The following CABLES2 variants were observed in gnomAD, a reference collection of about 807,000 sequenced individuals.
CABLES2 encodes the protein CDK5 and ABL1 enzyme substrate 2.
In CABLES2, 35 loss-of-function variants were observed where a neutral mutation model predicts 44.8. That is an observed-to-expected ratio of 0.78 (90% CI 0.60 to 1.04). The LOEUF (loss-of-function observed/expected upper bound fraction) is 1.04, where lower values mean the gene tolerates loss of function less well. CABLES2 is among the 50% of genes least tolerant of loss of function. The pLI is 0.00. For missense variants in CABLES2, 566 were observed against 615.7 expected (o/e 0.92, Z 0.85); for synonymous variants, 282 against 281.1 (o/e 1.00, Z -0.03).
rs748637399 is a variant in CABLES2 at position 62,396,319 on chromosome 20, T to A, written c.523A>T (p.Ser175Cys). ...GTTCCCGGCTCCGCTTCATACCTGC[T>A]GTTCCTGGTGTCGTACTGCCTCATG... The part of the protein sequence containing the change: ...KNMRQYDTRN[S>C]RIVLICAKRS... Residue 175 changes from serine (S) to cysteine (C), a missense_variant, in exon 3 of 10, where the codon AGC becomes TGC. Around this residue, in one of 2 missense-constraint regions of CABLES2, gnomAD observed 436 missense variants for 536.3 expected, o/e 0.81. Transcript: ENST00000279101. This position sits in a 1 kb window ranked among gnomAD's most constrained non-coding sequence, Gnocchi z 5.7. The A allele has an allele frequency of 6.2e-7, 1 of 1,613,728 alleles. No homozygotes were observed. Among genetic ancestry groups the A allele is most frequent in the Non-Finnish European group, 8.5e-7 (1 of 1,179,734 alleles).
chr20:62,396,246 G>T lies in CABLES2; in HGVS notation c.527+69C>A. 7.5e-7 allele frequency: 1 copy of T among 1,334,574 alleles called. No individual in the cohort carries two copies. Among genetic ancestry groups the T allele is most frequent in the Non-Finnish European group, 1.1e-6 (1 of 928,348 alleles). 82.7% of individuals were successfully genotyped at this position (1,334,574 alleles called of 1,614,324 possible). A position where few individuals can be genotyped will look rare whatever the true frequency, so the allele number is the denominator to read the frequency against. ...GGAGTGGAGGGAAGATTGCTTGGCT[G>T]ACAGGGGCAGGACCCCGTGGGCTTA... is the stretch of plus-strand genomic sequence containing the variant. On this transcript the variant is annotated intron_variant, in intron 3 of 9. Coordinates refer to ENST00000279101, the MANE Select transcript of CABLES2 (RefSeq NM_031215.3). The surrounding 1 kb of genome is among the most constrained non-coding windows in gnomAD (Gnocchi z 5.7).
In CABLES2 at chr20:62,392,494, G is replaced by T. The variant is rs1490160277; in HGVS notation, c.986C>A (p.Thr329Asn). The change falls in exon 8 of 10, where the codon ACC (threonine) becomes AAC (asparagine). Residue 329 changes from threonine to asparagine, a missense_variant and splice_region_variant. Coordinates refer to ENST00000279101, the MANE Select transcript of CABLES2 (RefSeq NM_031215.3). ...KRVLIFASYM[T>N]TVIEYVKPSD... ...GGGCTTCACGTATTCTATCACTGTG[G>T]TCTGCAACAGAGAGTGGGCAGGGTT... 1 of 1,612,484 alleles carries T rather than the reference G, an allele frequency of 6.2e-7. No individual in the cohort carries two copies. Among genetic ancestry groups the T allele is most frequent in the Admixed American group, 1.7e-5 (1 of 60,016 alleles).
At chr20:62,392,314 A>C (rs911338043) in intron 8 of CABLES2, 75 bp downstream of exon 8, 3 of 1,078,074 alleles carry the variant, frequency 2.8e-6, no homozygotes, top group African/African-American at 1.6e-5. Context: ...GCTGGAGAGA[A>C]TCTACCAGAA....
In CABLES2 at chr20:62,389,880, T is replaced by TG. The variant is rs1339624693; in HGVS notation, c.*1090dup. ...ACCATTTGGGGTCCTTTTAGCATGG[T>TG]GGGCTGCCCTGGCCGAGGTGGCCAA... is the stretch of plus-strand genomic sequence containing the variant. On this transcript the variant is annotated 3_prime_UTR_variant, in exon 10 of 10. Transcript: ENST00000279101. 6 of 152,328 alleles carry TG rather than the reference T, an allele frequency of 3.9e-5. 1 individual carries two copies. Among genetic ancestry groups the TG allele is most frequent in the Middle Eastern group, 3.4e-3 (1 of 294 alleles). 9.4% of individuals were successfully genotyped at this position (152,328 alleles called of 1,614,324 possible).
chr20:62,392,524 C>G, intron 7 of CABLES2, 29 bp from the exon 8 acceptor site: 1 of 1,531,780 alleles, frequency 6.5e-7, no homozygotes, highest in Non-Finnish European at 9.0e-7. Flanking sequence ...AGGGTTGGGC[C>G]GGCCCCTCGC....
rs1381636829 is a variant in CABLES2 at position 62,388,721 on chromosome 20, A to G, written c.*2250T>C. 2 of 554,610 alleles carry G rather than the reference A, an allele frequency of 3.6e-6. No individual in the cohort carries two copies. Among genetic ancestry groups the G allele is most frequent in the Non-Finnish European group, 6.4e-6 (2 of 312,242 alleles). The allele number at this position is 554,610 out of a possible 1,614,324, so 34.4% of individuals were successfully genotyped here. On this transcript the variant is annotated 3_prime_UTR_variant, in exon 10 of 10. Coordinates refer to ENST00000279101, the MANE Select transcript of CABLES2 (RefSeq NM_031215.3). Reference sequence around the variant, plus strand: ...AATAACTCAAACATTCTGAGGTCTGATACTTGCTTATGCACACTGACATCC... The same window carrying G: ...AATAACTCAAACATTCTGAGGTCTGGTACTTGCTTATGCACACTGACATCC...
At position 62,390,719 on chromosome 20, in the gene CABLES2, T is replaced by G; in HGVS notation, c.*252A>C. The G allele has an allele frequency of 2.3e-5, 12 of 515,204 alleles. No homozygotes were observed. The highest frequency in any genetic ancestry group is 3.2e-5 in the East Asian group (1 of 31,184). The allele number at this position is 515,204 out of a possible 1,614,324, so 31.9% of individuals were successfully genotyped here. On this transcript the variant is annotated 3_prime_UTR_variant, in exon 10 of 10. Transcript: ENST00000279101. ...AAAAATACCAGTAACAAACCTCACATTTAGTTTATGTAAAAATGCAGGAGA... is the reference window on the plus strand; with the variant it reads ...AAAAATACCAGTAACAAACCTCACAGTTAGTTTATGTAAAAATGCAGGAGA...
At position 62,391,608 on chromosome 20, in the gene CABLES2, T is replaced by C. The variant is rs909494302; in HGVS notation, c.1092-155A>G. 5.9e-5 allele frequency among the ~76,000 whole-genome samples: 9 copies of C among 152,174 alleles called. No homozygotes were observed. Among genetic ancestry groups the C allele is most frequent in the Non-Finnish European group, 1.5e-5 (1 of 68,030 alleles). On this transcript the variant is annotated intron_variant, in intron 8 of 9. Transcript: ENST00000279101. The surrounding 1 kb of genome is among the most constrained non-coding windows in gnomAD (Gnocchi z 5.7). The stretch of plus-strand genomic sequence containing the variant: ...GGGGATGGTACCCTCCGCCGTACCA[T>C]GTATAACGCCCAGGGCAGGGCGCAT...
At chr20:62,405,578 G>A (rs1003558612) in intron 1 of CABLES2, 2 of 152,302 alleles carry the variant, frequency 1.3e-5, no homozygotes, top group East Asian at 1.9e-4. Context: ...TGCATGTGAC[G>A]TCATAGTCTT....
rs1199005794 is a variant in CABLES2, at chr20:62,397,995, A to ATGGCGGTGGTGG, written c.363-1404_363-1403insCCACCACCGCCA. Among the ~76,000 whole-genome samples, 41 of 57,116 alleles carry ATGGCGGTGGTGG rather than the reference A, an allele frequency of 7.2e-4. 3 individuals are homozygous for ATGGCGGTGGTGG. In the South Asian group the frequency reaches 0.013, roughly 18 times the overall value. 37.5% of individuals were successfully genotyped at this position (57,116 alleles called of 152,430 possible). A position where few individuals can be genotyped will look rare whatever the true frequency, so the allele number is the denominator to read the frequency against. On this transcript the variant is annotated intron_variant, in intron 1 of 9. Coordinates refer to ENST00000279101, the MANE Select transcript of CABLES2 (RefSeq NM_031215.3). The stretch of plus-strand genomic sequence containing the variant: ...GACAGTGGTGATGGCGGTGGTGGTG[A>ATGGCGGTGGTGG]TGATGGTGATGGTTATGGCGGTGGT...
intron 1 of CABLES2, among the ~76,000 whole-genome samples, chr20:62,398,032 C>CGGT (rs1988073304): frequency 1.3e-5 from 1 of 78,762 alleles, no homozygotes; most frequent in Admixed American, 1.4e-4. Context: ...GTGGTGGTGA[C>CGGT]AGTGATGGTG....
intron 1 of CABLES2, among the ~76,000 whole-genome samples, chr20:62,398,267 ATGG>A (rs1988117282): frequency 3.0e-5 from 2 of 67,076 alleles, no homozygotes; most frequent in Non-Finnish European, 5.7e-5. Flanking sequence ...GGTGATGGTG[ATGG>A]CGGTGGTGGT....
At chr20:62,405,824 T>G (rs1446719716) in intron 1 of CABLES2, 1 of 152,118 alleles carries the variant, frequency 6.6e-6, no homozygotes, top group Non-Finnish European at 1.5e-5. Flanking sequence ...CTGTGGACAG[T>G]GGCTCCCTTT....
At chr20:62,401,890 G>A (rs572952041) in intron 1 of CABLES2, among the ~76,000 whole-genome samples, 3 of 152,310 alleles carry the variant, frequency 2.0e-5, no homozygotes, top group Admixed American at 1.3e-4. Flanking sequence ...AGACCCCTCC[G>A]TCCAAAACAT....
chr20:62,406,110 C>A (rs1446685862), intron 1 of CABLES2, among the ~76,000 whole-genome samples: 1 of 151,998 alleles, frequency 6.6e-6, no homozygotes, highest in Non-Finnish European at 1.5e-5. Context: ...CCCAAAGATA[C>A]CGAGCTGAGA....
chr20:62,390,735 A>C lies in CABLES2; in HGVS notation c.*236T>G. ...AACCTCACATTTAGTTTATGTAAAA[A>C]TGCAGGAGAATTCTCAGAAATCCCC... On this transcript the variant is annotated 3_prime_UTR_variant, in exon 10 of 10. Coordinates refer to ENST00000279101, the MANE Select transcript of CABLES2 (RefSeq NM_031215.3). 1.8e-6 allele frequency: 1 copy of C among 560,084 alleles called. No homozygotes were observed. The highest frequency in any genetic ancestry group is 2.3e-5 in the South Asian group (1 of 43,156). The allele number at this position is 560,084 out of a possible 1,614,324, so 34.7% of individuals were successfully genotyped here. A position where few individuals can be genotyped will look rare whatever the true frequency, so the allele number is the denominator to read the frequency against.
intron 1 of CABLES2, among the ~76,000 whole-genome samples, chr20:62,399,534 A>G (rs1988149076): frequency 1.4e-5 from 2 of 144,222 alleles, no homozygotes; most frequent in African/African-American, 2.6e-5. Flanking sequence ...GGCGTGAGCC[A>G]CCACGCCCGG....
chr20:62,402,631 T>G (rs1453907792), intron 1 of CABLES2: 3 of 152,146 alleles, frequency 2.0e-5, no homozygotes, highest in African/African-American at 7.2e-5. Context: ...CCCAGCCCCA[T>G]CCCCTGGACC....
chr20:62,407,252 C>A lies in CABLES2; in HGVS notation c.25G>T (p.Ala9Ser), dbSNP rs1463043427. Residue 9 changes from alanine (A) to serine (S), a missense_variant, in exon 1 of 10, where the codon GCC becomes TCC. Ala to Ser is a moderately conservative substitution (Grantham distance 99). Around this residue, in one of 2 missense-constraint regions of CABLES2, gnomAD observed 130 missense variants for 79.4 expected, o/e 1.64. Transcript: ENST00000279101. MAAAAAGG[A>S]PGPAPGPAGP... is the part of the protein sequence containing the mutation. ...GCGGGGCCGGGGGCCGGGCCCGGGGCTCCACCGGCCGCGGCCGCGGCCATC... is the reference window on the plus strand; with the variant it reads ...GCGGGGCCGGGGGCCGGGCCCGGGGATCCACCGGCCGCGGCCGCGGCCATC... 1.5e-5 allele frequency: 10 copies of A among 688,492 alleles called. No individual in the cohort carries two copies. The highest frequency in any genetic ancestry group is 6.5e-5 in the Admixed American group (1 of 15,312). The allele number at this position is 688,492 out of a possible 1,614,324, so 42.6% of individuals were successfully genotyped here.
Sources: allele counts gnomAD v4.1 joint callset (sites outside exome capture counted in the v4.1 genomes callset), GRCh38; gene constraint gnomAD v4.1.1; regional missense constraint gnomAD v4.1.1; non-coding constraint Gnocchi (gnomAD v3.1); transcripts MANE v1.5; gene names NCBI Gene and HGNC (gene_info 2026-07-23, HGNC 2026-07-21).